The following GNAS variants were observed in gnomAD, a reference collection of about 807,000 sequenced individuals.
GNAS encodes the protein protein ALEX.
In GNAS, 8 loss-of-function variants were observed where a neutral mutation model predicts 54.5. The observed-to-expected ratio is 0.15, with a 90% CI of 0.09 to 0.26. GNAS has a LOEUF of 0.26. GNAS is among the 10% of genes least tolerant of loss of function. The pLI, the probability that GNAS is intolerant of heterozygous loss-of-function variation, is 1.00. For missense variants in GNAS, 170 were observed against 529.8 expected, an observed-to-expected ratio of 0.32 and a Z score of 6.67; for synonymous variants, 204 against 191.4, an observed-to-expected ratio of 1.07 and a Z score of -0.54.
In GNAS at chr20:58,853,842, G is replaced by T; in HGVS notation, c.43+12956G>T. On this transcript the variant is annotated intron_variant, in intron 1 of 12. Transcript: ENST00000306090. The surrounding 1 kb of genome is among the most constrained non-coding windows in gnomAD (Gnocchi z 4.4). ...TGCTCCAGGAGGCCCAGGTGCTGCA[G>T]GGGTCCCCGGAGCTCCTCCCGAGGA... 2 of 1,595,570 alleles carry T rather than the reference G, an allele frequency of 1.3e-6. No homozygotes were observed. The highest frequency in any genetic ancestry group is 1.7e-6 in the Non-Finnish European group (2 of 1,171,708).
intron 1 of GNAS, chr20:58,855,812 T>G: frequency 1.7e-6 from 1 of 601,798 alleles, no homozygotes; most frequent in East Asian, 2.8e-5. Flanking sequence ...GTGTCCATAT[T>G]CTGTGTTCGC....
rs1291888449 is a variant in GNAS, at chr20:58,863,438, G to A, written c.43+22552G>A. 8.5e-5 allele frequency: 13 copies of A among 152,158 alleles called. No homozygotes were observed. The highest frequency in any genetic ancestry group is 2.1e-4 in the South Asian group (1 of 4,826). The allele number at this position is 152,158 out of a possible 1,614,324, so 9.4% of individuals were successfully genotyped here. Reference sequence around the variant, plus strand: ...GTTTTTTAATGATTCAATTTGGGGCGAGGAGAGAGGTATAAAGGTAGTATA... The same window carrying A: ...GTTTTTTAATGATTCAATTTGGGGCAAGGAGAGAGGTATAAAGGTAGTATA... On this transcript the variant is annotated intron_variant, in intron 1 of 12. Transcript: ENST00000306090. This position sits in a 1 kb window ranked among gnomAD's most constrained non-coding sequence, Gnocchi z 4.1.
At chr20:58,896,609 TA>T (rs1164687916) in intron 2 of GNAS, among the ~76,000 whole-genome samples, 1 of 148,802 alleles carries the variant, frequency 6.7e-6, no homozygotes, top group Non-Finnish European at 1.5e-5. Flanking sequence ...CGTTCTCGTG[TA>T]ACAAAACGTG....
At chr20:58,879,629 G>A (rs989526324) in intron 1 of GNAS, among the ~76,000 whole-genome samples, 7 of 152,150 alleles carry the variant, frequency 4.6e-5, no homozygotes, top group African/African-American at 1.2e-4. Context: ...AGAGGGGTGC[G>A]GAAGGAAGGG....
In GNAS at chr20:58,873,913, G is replaced by A. The variant is rs534075840; in HGVS notation, c.44-21699G>A. ...GTCAACCAAAAGACTTCAACAACCT[G>A]CTAAGAGTCTTCCAGCCCAGTTGAG... is the stretch of plus-strand genomic sequence containing the variant. On this transcript the variant is annotated intron_variant, in intron 1 of 12. Transcript: ENST00000306090. This position sits in a 1 kb window ranked among gnomAD's most constrained non-coding sequence, Gnocchi z 4.3. 6.6e-6 allele frequency among the ~76,000 whole-genome samples: 1 copy of A among 152,298 alleles called. No individual in the cohort carries two copies. The highest frequency in any genetic ancestry group is 2.1e-4 in the South Asian group (1 of 4,826).
chr20:58,841,578 G>A lies in GNAS; in HGVS notation c.43+692G>A. On this transcript the variant is annotated intron_variant, in intron 1 of 12. Coordinates refer to the GNAS transcript ENST00000306090. This position sits in a 1 kb window ranked among gnomAD's most constrained non-coding sequence, Gnocchi z 5.0. ...CCACAGCCCGCCTCCCGTCGCTCGC[G>A]GGACAGAGACCGCCTCAAAGAGCGT... 9.9e-7 allele frequency: 1 copy of A among 1,007,840 alleles called. No individual in the cohort carries two copies. The highest frequency in any genetic ancestry group is 4.6e-5 in the South Asian group (1 of 21,518). The allele number at this position is 1,007,840 out of a possible 1,614,324, so 62.4% of individuals were successfully genotyped here.
At position 58,903,940 on chromosome 20, in the gene GNAS, G is replaced by A. The variant is rs1368858627; in HGVS notation, c.432+149G>A. ...ACATTTCAGTGATGTCCATCCTTAG[G>A]AAAAAGTTAATTTCATGTGTAACCT... On this transcript the variant is annotated intron_variant, in intron 5 of 12. Transcript: ENST00000371085. 1.3e-5 allele frequency: 11 copies of A among 825,652 alleles called. No homozygotes were observed. In the African/African-American group the frequency reaches 1.7e-4, roughly 13 times the overall value. 51.1% of individuals were successfully genotyped at this position (825,652 alleles called of 1,614,324 possible).
chr20:58,892,630 G>C (rs2089568933), intron 1 of GNAS: 1 of 152,312 alleles, frequency 6.6e-6, no homozygotes, highest in Non-Finnish European at 1.5e-5. Flanking sequence ...GTTTCGGGCA[G>C]GACCGACTGA....
intron 1 of GNAS, chr20:58,855,924 G>T: frequency 2.4e-6 from 1 of 425,146 alleles, no homozygotes; most frequent in Non-Finnish European, 4.2e-6. Flanking sequence ...GTTGTGGTTT[G>T]CGCCATGGCC....
chr20:58,880,002 C>A (rs2088119186), intron 1 of GNAS, among the ~76,000 whole-genome samples: 1 of 152,110 alleles, frequency 6.6e-6, no homozygotes, highest in Admixed American at 6.5e-5. Flanking sequence ...CAACCCAAAC[C>A]TTTTATTTCA....
Position 58,856,890 on chromosome 20 carries a change from C to G in GNAS, c.43+16004C>G, listed in dbSNP as rs1332631622. ...CACAGCAAGACCCTCTCCTGTATCTCCCAGTCTTTCCCTGGCCATTCCCAG... is the reference window on the plus strand; with the variant it reads ...CACAGCAAGACCCTCTCCTGTATCTGCCAGTCTTTCCCTGGCCATTCCCAG... On this transcript the variant is annotated intron_variant, in intron 1 of 12. Coordinates refer to the GNAS transcript ENST00000306090. This position sits in a 1 kb window ranked among gnomAD's most constrained non-coding sequence, Gnocchi z 4.2. 1.3e-5 allele frequency: 2 copies of G among 151,774 alleles called. No individual in the cohort carries two copies. The highest frequency in any genetic ancestry group is 2.9e-5 in the Non-Finnish European group (2 of 67,976). 9.4% of individuals were successfully genotyped at this position (151,774 alleles called of 1,614,324 possible).
chr20:58,883,689 A>G (rs1428802228), intron 1 of GNAS, among the ~76,000 whole-genome samples: 1 of 152,136 alleles, frequency 6.6e-6, no homozygotes, highest in East Asian at 1.9e-4. Context: ...GTGGGAGAGC[A>G]GAGGGCATAG....
At chr20:58,864,087 T>C (rs1379811574) in intron 1 of GNAS, 4 of 152,204 alleles carry the variant, frequency 2.6e-5, no homozygotes, top group Non-Finnish European at 5.9e-5. Flanking sequence ...CCTCCATTTT[T>C]CTAGGGTTGT....
intron 1 of GNAS, among the ~76,000 whole-genome samples, chr20:58,870,625 T>C (rs1423777078): frequency 1.3e-5 from 2 of 152,206 alleles, no homozygotes; most frequent in African/African-American, 4.8e-5. Context: ...GGACCTTACT[T>C]TTAACACCAA....
Position 58,846,759 on chromosome 20 carries a change from T to C in GNAS, c.43+5873T>C, listed in dbSNP as rs116736444. 1.8e-3 allele frequency among the ~76,000 whole-genome samples: 276 copies of C among 152,260 alleles called. 1 individual carries two copies. Among genetic ancestry groups the C allele is most frequent in the African/African-American group, 6.2e-3 (257 of 41,518 alleles). On this transcript the variant is annotated intron_variant, in intron 1 of 12. Transcript: ENST00000306090. ...CTTAATTAGATTTCATTAGGAAAAT[T>C]TGCCCTGGGTAATTGAGGTTGTTCT... is the stretch of plus-strand genomic sequence containing the variant.
In GNAS at chr20:58,909,907, A is replaced by C; in HGVS notation, c.840-44A>C. 6.2e-7 allele frequency: 1 copy of C among 1,613,628 alleles called. No individual in the cohort carries two copies. The highest frequency in any genetic ancestry group is 8.5e-7 in the Non-Finnish European group (1 of 1,179,812). ...GCAAGCATTCCAGACCCCTGGCCGA[A>C]AGCGCGCTTCTCCCAAGCATTCACA... On this transcript the variant is annotated intron_variant, in intron 10 of 12. Transcript: ENST00000371085. This position sits in a 1 kb window ranked among gnomAD's most constrained non-coding sequence, Gnocchi z 7.3.
chr20:58,855,921 T>C, intron 1 of GNAS: 1 of 433,888 alleles, frequency 2.3e-6, no homozygotes, highest in Non-Finnish European at 4.1e-6. Flanking sequence ...TGTGTTGTGG[T>C]TTGCGCCATG....
At chr20:58,903,502 ATTTTC>A (rs766501315) in intron 3 of GNAS, 24 bp from the exon 4 acceptor site, 558 of 1,590,206 alleles carry the variant, frequency 3.5e-4, no homozygotes, top group Middle Eastern at 5.0e-4. Flanking sequence ...GTGCAATATG[ATTTTC>A]TTTTCTTTTC....
At position 58,883,475 on chromosome 20, in the gene GNAS, TA is replaced by T. The variant is rs758102829; in HGVS notation, c.44-12131del. Reference sequence around the variant, plus strand: ...GGGTAGAGCTGAGGTCTGTAGCTCATAAAAAATCTCCTTTTCATCTGATCCC... The same window carrying T: ...GGGTAGAGCTGAGGTCTGTAGCTCATAAAAATCTCCTTTTCATCTGATCCC... On this transcript the variant is annotated intron_variant, in intron 1 of 12. Coordinates refer to the GNAS transcript ENST00000306090. Among the ~76,000 whole-genome samples the T allele has an allele frequency of 2.6e-5, 4 of 152,140 alleles. No individual in the cohort carries two copies. In the East Asian group the frequency reaches 5.8e-4, roughly 22 times the overall value.
Sources: allele counts gnomAD v4.1 joint callset (sites outside exome capture counted in the v4.1 genomes callset), GRCh38; gene constraint gnomAD v4.1.1; non-coding constraint Gnocchi (gnomAD v3.1); transcripts MANE v1.5; gene names NCBI Gene and HGNC (gene_info 2026-07-23, HGNC 2026-07-21).